Variants in CCDC91 observed in about 807,000 individuals in gnomAD.
CCDC91 encodes the protein coiled-coil domain containing 91, also known as coiled-coil domain-containing protein 91.
Under a neutral mutation model 63.2 loss-of-function variants are expected in CCDC91, and 48 were observed. The ratio of observed to expected loss-of-function variants is 0.76; its 90% CI spans 0.60 to 0.97. CCDC91 has a LOEUF of 0.97. CCDC91 is among the 50% of genes least tolerant of loss of function. The pLI, the probability that CCDC91 is intolerant of heterozygous loss-of-function variation, is 0.00. For missense variants in CCDC91, 500 were observed against 494.6 expected (o/e 1.01, Z -0.10); for synonymous variants, 167 against 165.8 (o/e 1.01, Z -0.06).
At chr12:28,482,149 A>G (rs1951481047) in intron 11 of CCDC91, among the ~76,000 whole-genome samples, 2 of 151,952 alleles carry the variant, frequency 1.3e-5, no homozygotes, top group African/African-American at 4.8e-5. Flanking sequence ...CTACAGAAGT[A>G]TTAACATGTT....
At chr12:28,407,316 G>A (rs1320108649) in intron 8 of CCDC91, among the ~76,000 whole-genome samples, 1 of 152,112 alleles carries the variant, frequency 6.6e-6, no homozygotes, top group African/African-American at 2.4e-5. Context: ...CAGTACGTTT[G>A]TCAAAAATCA....
chr12:28,402,906 T>C (rs1277377301), intron 8 of CCDC91, among the ~76,000 whole-genome samples: 1 of 152,212 alleles, frequency 6.6e-6, no homozygotes, highest in African/African-American at 2.4e-5. Flanking sequence ...GATATGATTA[T>C]GCTATTTTTC....
intron 11 of CCDC91, among the ~76,000 whole-genome samples, chr12:28,470,777 T>C (rs1592764196): frequency 6.6e-6 from 1 of 152,122 alleles, no homozygotes; most frequent in Non-Finnish European, 1.5e-5. Context: ...TGTCATCCTT[T>C]GCAACAACAT....
At chr12:28,367,445 T>G (rs1226411660) in intron 7 of CCDC91, among the ~76,000 whole-genome samples, 1 of 152,018 alleles carries the variant, frequency 6.6e-6, no homozygotes, top group Non-Finnish European at 1.5e-5. Context: ...ATTCGAACAG[T>G]ATAGAGAAAA....
chr12:28,429,488 A>G (rs1948513704), intron 8 of CCDC91, among the ~76,000 whole-genome samples: 1 of 152,036 alleles, frequency 6.6e-6, no homozygotes, highest in Non-Finnish European at 1.5e-5. Context: ...ATCATGGGAA[A>G]CATATAAAAT....
intron 1 of CCDC91, among the ~76,000 whole-genome samples, chr12:28,245,661 G>A (rs1478126636): frequency 6.6e-6 from 1 of 152,050 alleles, no homozygotes; most frequent in Non-Finnish European, 1.5e-5. Context: ...AAAAAATAAA[G>A]ATGTGAATAG....
intron 1 of CCDC91, among the ~76,000 whole-genome samples, chr12:28,212,542 C>T (rs1943300012): frequency 6.6e-6 from 1 of 152,164 alleles, no homozygotes; most frequent in African/African-American, 2.4e-5. Context: ...GGTTTTCAGT[C>T]TTGTCAACCT....
chr12:28,540,280 GC>G (rs1311520161), intron 12 of CCDC91, among the ~76,000 whole-genome samples: 4 of 152,044 alleles, frequency 2.6e-5, no homozygotes, highest in Non-Finnish European at 5.9e-5. Context: ...AATGTGCCAG[GC>G]TTTTTTAAAT....
chr12:28,468,148 A>C (rs1262108916), intron 11 of CCDC91, among the ~76,000 whole-genome samples: 1 of 151,928 alleles, frequency 6.6e-6, no homozygotes, highest in East Asian at 1.9e-4. Flanking sequence ...GAAACAAAAA[A>C]GTTGAGTTTT....
intron 8 of CCDC91, among the ~76,000 whole-genome samples, chr12:28,421,189 A>G (rs1221239632): frequency 2.0e-5 from 3 of 152,146 alleles, no homozygotes; most frequent in Non-Finnish European, 2.9e-5. Context: ...CTTAGCTTTT[A>G]CCAACATTTA....
At chr12:28,464,961 T>G (rs1333015245) in intron 11 of CCDC91, among the ~76,000 whole-genome samples, 2 of 152,158 alleles carry the variant, frequency 1.3e-5, no homozygotes, top group East Asian at 3.9e-4. Flanking sequence ...GGAGTTCATT[T>G]TCCTGAAGGG....
intron 7 of CCDC91, among the ~76,000 whole-genome samples, chr12:28,373,232 A>G (rs1163177008): frequency 6.6e-6 from 1 of 152,104 alleles, no homozygotes; most frequent in African/African-American, 2.4e-5. Flanking sequence ...CTTATACACT[A>G]TGAGTTATTT....
intron 1 of CCDC91, among the ~76,000 whole-genome samples, chr12:28,230,232 T>C (rs1295569931): frequency 6.6e-6 from 1 of 152,200 alleles, no homozygotes; most frequent in South Asian, 2.1e-4. Context: ...GTATTTTTGA[T>C]AGTGCTTCTT....
At chr12:28,417,272 A>C (rs1391828951) in intron 8 of CCDC91, among the ~76,000 whole-genome samples, 2 of 151,988 alleles carry the variant, frequency 1.3e-5, no homozygotes, top group African/African-American at 4.8e-5. Flanking sequence ...TATACTTTGC[A>C]TGCAGTAACA....
At chr12:28,262,509 A>C (rs1260658821) in intron 3 of CCDC91, among the ~76,000 whole-genome samples, 1 of 151,974 alleles carries the variant, frequency 6.6e-6, no homozygotes, top group Non-Finnish European at 1.5e-5. Context: ...TGGGATAATA[A>C]TGTATTTCTT....
chr12:28,545,828 G>T (rs1942951994), intron 12 of CCDC91, among the ~76,000 whole-genome samples: 1 of 152,016 alleles, frequency 6.6e-6, no homozygotes. Flanking sequence ...CCTTTTGAAT[G>T]CACAAATTCA....
At chr12:28,366,215 A>T (rs182693625) in intron 7 of CCDC91, among the ~76,000 whole-genome samples, 1 of 152,156 alleles carries the variant, frequency 6.6e-6, no homozygotes, top group Non-Finnish European at 1.5e-5. Context: ...TGAAAGTAAG[A>T]CAGAAACAGG....
intron 3 of CCDC91, among the ~76,000 whole-genome samples, chr12:28,264,774 A>G (rs983790424): frequency 3.3e-5 from 5 of 151,770 alleles, no homozygotes; most frequent in South Asian, 4.1e-4. Context: ...ATTGTAGCGG[A>G]CTCAAAGTTT....
At chr12:28,533,507 G>C (rs1451352561) in intron 12 of CCDC91, among the ~76,000 whole-genome samples, 1 of 151,798 alleles carries the variant, frequency 6.6e-6, no homozygotes, top group African/African-American at 2.4e-5. Context: ...AAGTAATTTT[G>C]CCAATAAACC....
Sources: gnomAD v4.1 joint callset for allele counts (sites outside exome capture counted in the v4.1 genomes callset) on GRCh38, gnomAD v4.1.1 for gene constraint, MANE v1.5 for transcripts, NCBI Gene and HGNC (gene_info 2026-07-23, HGNC 2026-07-21) for gene names.